The following GATAD1 variants were observed in gnomAD, a reference collection of about 807,000 sequenced individuals.
GATAD1 encodes the protein GATA zinc finger domain containing 1.
A neutral mutation model predicts 26.5 loss-of-function variants in GATAD1; 12 were observed. The ratio of observed to expected loss-of-function variants is 0.45; its 90% CI spans 0.29 to 0.73. The LOEUF (loss-of-function observed/expected upper bound fraction) is 0.73, where lower values mean the gene tolerates loss of function less well. Among genes scored for constraint, GATAD1 ranks in the 30% least tolerant of loss-of-function variants. The pLI is 0.10. For missense variants in GATAD1, 266 were observed against 342.1 expected, an observed-to-expected ratio of 0.78 and a Z score of 1.75; for synonymous variants, 129 against 133.1, an observed-to-expected ratio of 0.97 and a Z score of 0.21.
At chr7:92,494,746 T>C in the GATAD1 span, 7 of 596,678 alleles carry the variant, frequency 1.2e-5, no homozygotes, top group East Asian at 3.2e-4. Context: ...ATATACTTCT[T>C]TTAATTTTTA....
chr7:92,465,591 C>A, the GATAD1 span, among the ~76,000 whole-genome samples: 1 of 151,154 alleles, frequency 6.6e-6, no homozygotes, highest in South Asian at 2.1e-4. Context: ...GCACTCTAGC[C>A]TGGATGACAA....
chr7:92,464,655 G>A (rs2115920222), downstream of GATAD1, among the ~76,000 whole-genome samples: 1 of 151,854 alleles, frequency 6.6e-6, no homozygotes, highest in African/African-American at 2.4e-5. Flanking sequence ...TAAGAAGAAT[G>A]GAAAAACTGG....
Position 92,458,367 on chromosome 7 carries a change from T to C in GATAD1, c.*1805T>C, listed in dbSNP as rs1430886877. ...GTCTCTTGACTACCATTAAAACGAA[T>C]ATTGGGAGGTCATGAAAGTCATTGG... On this transcript the variant is annotated 3_prime_UTR_variant, in exon 5 of 5. Coordinates refer to ENST00000287957, the MANE Select transcript of GATAD1 (RefSeq NM_021167.5). 1 of 152,168 alleles carries C rather than the reference T, an allele frequency of 6.6e-6. No homozygotes were observed. Among genetic ancestry groups the C allele is most frequent in the Non-Finnish European group, 1.5e-5 (1 of 68,034 alleles). 9.4% of individuals were successfully genotyped at this position (152,168 alleles called of 1,614,324 possible). A position where few individuals can be genotyped will look rare whatever the true frequency, so the allele number is the denominator to read the frequency against.
intron 4 of GATAD1, among the ~76,000 whole-genome samples, 186 bp downstream of exon 4, chr7:92,454,871 G>A (rs1049258588): frequency 1.3e-5 from 2 of 152,158 alleles, no homozygotes; most frequent in African/African-American, 4.8e-5. Flanking sequence ...CTGGCAACAC[G>A]GATTTCTGGG....
At chr7:92,478,949 C>T in the GATAD1 span, among the ~76,000 whole-genome samples, 2 of 152,132 alleles carry the variant, frequency 1.3e-5, no homozygotes, top group Non-Finnish European at 1.5e-5. Context: ...GGTGGGAGGG[C>T]CAGGTTTTTT....
In GATAD1 at chr7:92,447,569, G is replaced by C; in HGVS notation, c.-161G>C. 3 of 957,026 alleles carry C rather than the reference G, an allele frequency of 3.1e-6. No homozygotes were observed. Among genetic ancestry groups the C allele is most frequent in the Admixed American group, 4.5e-5 (1 of 22,110 alleles). 59.3% of individuals were successfully genotyped at this position (957,026 alleles called of 1,614,324 possible). A position where few individuals can be genotyped will look rare whatever the true frequency, so the allele number is the denominator to read the frequency against. ...GGCGGAACCCGCTTCCCGCCTCCAC[G>C]GGGCAGCGCCAGCGGCCTGGTCCTT... On this transcript the variant is annotated 5_prime_UTR_variant, in exon 1 of 5. Transcript: ENST00000287957.
chr7:92,470,607 A>G, the GATAD1 span: 42 of 452,386 alleles, frequency 9.3e-5, no homozygotes, highest in Non-Finnish European at 1.4e-4. Flanking sequence ...CCCAGGATGT[A>G]TCTAGGGATG....
In GATAD1 at chr7:92,456,667, C is replaced by T; in HGVS notation, c.*105C>T. ...AAGCTGGGCAATGGAGTCAGATTCT[C>T]TTTCTTAAAAAACCACAAAAAAACT... On this transcript the variant is annotated 3_prime_UTR_variant, in exon 5 of 5. Coordinates refer to ENST00000287957, the MANE Select transcript of GATAD1 (RefSeq NM_021167.5). 1.6e-6 allele frequency: 1 copy of T among 640,966 alleles called. No homozygotes were observed. The allele number at this position is 640,966 out of a possible 1,614,324, so 39.7% of individuals were successfully genotyped here. A position where few individuals can be genotyped will look rare whatever the true frequency, so the allele number is the denominator to read the frequency against.
the GATAD1 span, among the ~76,000 whole-genome samples, chr7:92,467,370 A>G: frequency 2.0e-5 from 3 of 152,234 alleles, no homozygotes; most frequent in Non-Finnish European, 2.9e-5. Flanking sequence ...GAAAGCACAT[A>G]CAAGTTTTCT....
At chr7:92,469,979 G>A in the GATAD1 span, 1 of 776,906 alleles carries the variant, frequency 1.3e-6, no homozygotes, top group East Asian at 2.4e-5. Context: ...CGGGTGAGTT[G>A]GGAGATTACT....
chr7:92,491,784 G>A, the GATAD1 span, among the ~76,000 whole-genome samples: 3 of 152,230 alleles, frequency 2.0e-5, no homozygotes, highest in Admixed American at 6.5e-5. Context: ...TTATGTCTCT[G>A]ACTTTCCATT....
chr7:92,447,723 G>C lies in GATAD1; in HGVS notation c.-7G>C, dbSNP rs1789213172. The C allele has an allele frequency of 2.1e-6, 3 of 1,463,172 alleles. No individual in the cohort carries two copies. Among genetic ancestry groups the C allele is most frequent in the Non-Finnish European group, 2.7e-6 (3 of 1,106,852 alleles). 90.6% of individuals were successfully genotyped at this position (1,463,172 alleles called of 1,614,324 possible). A position where few individuals can be genotyped will look rare whatever the true frequency, so the allele number is the denominator to read the frequency against. On this transcript the variant is annotated 5_prime_UTR_variant, in exon 1 of 5. Transcript: ENST00000287957. Reference sequence around the variant, plus strand: ...TGCGCCCGCGGGGGCCGCCCGAGCCGGCCACCATGCCGCTGGGCCTGAAGC... The same window carrying C: ...TGCGCCCGCGGGGGCCGCCCGAGCCCGCCACCATGCCGCTGGGCCTGAAGC...
chr7:92,489,723 G>A, the GATAD1 span: 1 of 1,613,648 alleles, frequency 6.2e-7, no homozygotes, highest in Non-Finnish European at 8.5e-7. Flanking sequence ...CTCCACTTTG[G>A]CTCCGGTATC....
the GATAD1 span, among the ~76,000 whole-genome samples, chr7:92,490,686 A>G: frequency 1.3e-5 from 2 of 151,814 alleles, no homozygotes; most frequent in Non-Finnish European, 2.9e-5. Flanking sequence ...ACAAAAAACC[A>G]GGAAACATAT....
the GATAD1 span, among the ~76,000 whole-genome samples, chr7:92,476,639 C>T: frequency 1.7e-4 from 26 of 152,078 alleles, no homozygotes; most frequent in Non-Finnish European, 1.5e-5. Context: ...TTCTGTCTCT[C>T]TCACTGTCTC....
chr7:92,465,957 C>T, the GATAD1 span, among the ~76,000 whole-genome samples: 24 of 150,978 alleles, frequency 1.6e-4, no homozygotes, highest in Non-Finnish European at 4.5e-5. Flanking sequence ...GAGCCAAGAT[C>T]GCACCGTTGT....
the GATAD1 span, among the ~76,000 whole-genome samples, chr7:92,486,833 T>C: frequency 3.3e-5 from 5 of 152,216 alleles, no homozygotes; most frequent in African/African-American, 4.8e-5. Flanking sequence ...AGTTCATATA[T>C]GAGAGAATAT....
intron 2 of GATAD1, chr7:92,449,674 T>C (rs1356603145): frequency 6.1e-6 from 2 of 328,520 alleles, no homozygotes; most frequent in Non-Finnish European, 8.1e-6. Context: ...GACTATTTTC[T>C]TTTTTTTTTT....
chr7:92,450,839 G>C lies in GATAD1; in HGVS notation c.435+79G>C, dbSNP rs1789399051. 3.7e-5 allele frequency: 31 copies of C among 840,682 alleles called. 1 individual carries two copies. The South Asian group carries it at 4.3e-4, about 12-fold the overall frequency. The allele number at this position is 840,682 out of a possible 1,614,324, so 52.1% of individuals were successfully genotyped here. A position where few individuals can be genotyped will look rare whatever the true frequency, so the allele number is the denominator to read the frequency against. Reference sequence around the variant, plus strand: ...CACTAAAATGTTGGATTAGTCTAAAGGTCTCTGCTACTCTTTATTTGTATA... The same window carrying C: ...CACTAAAATGTTGGATTAGTCTAAACGTCTCTGCTACTCTTTATTTGTATA... On this transcript the variant is annotated intron_variant, in intron 3 of 4. Transcript: ENST00000287957.
Sources: gnomAD v4.1 joint callset for allele counts (sites outside exome capture counted in the v4.1 genomes callset) on GRCh38, gnomAD v4.1.1 for gene constraint, MANE v1.5 for transcripts, NCBI Gene and HGNC (gene_info 2026-07-23, HGNC 2026-07-21) for gene names.